FHIT: variants seen among roughly 807,000 people sequenced by gnomAD.
FHIT encodes the protein fragile histidine triad diadenosine triphosphatase.
A neutral mutation model predicts 17.9 loss-of-function variants in FHIT; 19 were observed. The ratio of observed to expected loss-of-function variants is 1.06; its 90% CI spans 0.74 to 1.56. FHIT has a LOEUF of 1.56. FHIT is among the 40% of genes most tolerant of loss of function. FHIT has a pLI of 0.00. For missense variants in FHIT, 248 were observed against 189.2 expected, an observed-to-expected ratio of 1.31 and a Z score of -1.82; for synonymous variants, 81 against 69.7, an observed-to-expected ratio of 1.16 and a Z score of -0.81.
At chr3:60,024,602 A>C (rs212027) in intron 5 of FHIT, among the ~76,000 whole-genome samples, 61,047 of 152,084 alleles carry the variant, frequency 0.4, 15,430 homozygotes, top group Non-Finnish European at 0.57. Flanking sequence ...TCTCCCTTCC[A>C]AAGATGTGAA....
chr3:59,982,530 G>GC (rs1449207981), intron 7 of FHIT, among the ~76,000 whole-genome samples: 2 of 152,136 alleles, frequency 1.3e-5, no homozygotes, highest in African/African-American at 2.4e-5. Context: ...TGGCCTTCCA[G>GC]CTAAGATCAA....
intron 4 of FHIT, among the ~76,000 whole-genome samples, chr3:60,662,509 CT>C (rs2040281978): frequency 6.6e-6 from 1 of 151,912 alleles, no homozygotes; most frequent in South Asian, 2.1e-4. Context: ...CTTAGTCTTG[CT>C]TTGGCTTTGT....
chr3:60,609,928 T>A (rs2038734142), intron 4 of FHIT, among the ~76,000 whole-genome samples: 1 of 152,232 alleles, frequency 6.6e-6, no homozygotes, highest in Non-Finnish European at 1.5e-5. Flanking sequence ...TTAGACTGAT[T>A]GAATACATTG....
chr3:60,471,752 G>A (rs138137674), intron 5 of FHIT, among the ~76,000 whole-genome samples: 27 of 152,094 alleles, frequency 1.8e-4, no homozygotes, highest in African/African-American at 5.1e-4. Context: ...TGTTTCTGCC[G>A]GGGAACAACC....
chr3:60,695,631 A>T (rs1045416172), intron 4 of FHIT, among the ~76,000 whole-genome samples: 2 of 152,134 alleles, frequency 1.3e-5, no homozygotes, highest in Non-Finnish European at 2.9e-5. Context: ...ATTCATGTAA[A>T]GCTTGTAGCA....
intron 5 of FHIT, among the ~76,000 whole-genome samples, chr3:60,447,454 A>G (rs923818701): frequency 4.6e-5 from 7 of 152,188 alleles, no homozygotes; most frequent in Admixed American, 2.6e-4. Flanking sequence ...CACATATTCT[A>G]TTCCAAACAA....
chr3:59,987,092 T>G (rs529521573), intron 7 of FHIT, among the ~76,000 whole-genome samples: 2 of 136,054 alleles, frequency 1.5e-5, no homozygotes, highest in African/African-American at 5.2e-5. Flanking sequence ...TATATAGATA[T>G]GAAGATATAA....
chr3:60,135,776 G>A (rs1158966678), intron 5 of FHIT, among the ~76,000 whole-genome samples: 1 of 152,078 alleles, frequency 6.6e-6, no homozygotes, highest in Admixed American at 6.6e-5. Context: ...TCAAAATGCT[G>A]ATCTTCTCAC....
At chr3:61,237,665 T>C (rs891980430) in intron 1 of FHIT, among the ~76,000 whole-genome samples, 1 of 152,224 alleles carries the variant, frequency 6.6e-6, no homozygotes, top group African/African-American at 2.4e-5. Context: ...TCATACGTAT[T>C]GAGTGCTGAG....
At chr3:60,165,196 C>G (rs766555655) in intron 5 of FHIT, among the ~76,000 whole-genome samples, 23 of 152,152 alleles carry the variant, frequency 1.5e-4, no homozygotes, top group Non-Finnish European at 3.1e-4. Context: ...AGGGAAGCTG[C>G]TGATGCTACT....
chr3:60,389,527 T>C (rs1045615449), intron 5 of FHIT, among the ~76,000 whole-genome samples: 6 of 152,138 alleles, frequency 3.9e-5, no homozygotes, highest in African/African-American at 1.2e-4. Flanking sequence ...AGTGTCTGGC[T>C]TGGAAGATTT....
At chr3:60,328,166 TG>T (rs1366261875) in intron 5 of FHIT, among the ~76,000 whole-genome samples, 4 of 366 alleles carry the variant, frequency 0.011, 1 homozygote. Context: ...TGTAGTCTAT[TG>T]GAAAAGTTGG....
At chr3:60,987,034 A>C (rs1360021331) in intron 3 of FHIT, among the ~76,000 whole-genome samples, 1 of 152,192 alleles carries the variant, frequency 6.6e-6, no homozygotes, top group African/African-American at 2.4e-5. Context: ...ACCTCATATT[A>C]CATTTGCAGT....
chr3:60,166,869 A>G (rs1005021474), intron 5 of FHIT, among the ~76,000 whole-genome samples: 4 of 152,198 alleles, frequency 2.6e-5, no homozygotes, highest in Non-Finnish European at 4.4e-5. Context: ...GAATAGGAAG[A>G]GCAAGCAGCA....
At chr3:60,173,916 T>C (rs1701540152) in intron 5 of FHIT, among the ~76,000 whole-genome samples, 1 of 68,058 alleles carries the variant, frequency 1.5e-5, no homozygotes, top group Admixed American at 2.0e-4. Flanking sequence ...TATATATATA[T>C]GTTTTTTTTT....
chr3:60,577,684 T>C (rs1417921216), intron 4 of FHIT, among the ~76,000 whole-genome samples: 1 of 152,232 alleles, frequency 6.6e-6, no homozygotes, highest in South Asian at 2.1e-4. Context: ...TTACTGAAAT[T>C]TGGTTGGAAG....
intron 2 of FHIT, among the ~76,000 whole-genome samples, chr3:61,064,197 G>C (rs13074513): frequency 0.55 from 83,158 of 151,650 alleles, 23,895 homozygotes; most frequent in Non-Finnish European, 0.65. Context: ...TCTGCTAAGA[G>C]ACTTTAAGGA....
Position 59,768,212 on chromosome 3 carries a change from G to A in FHIT, c.349-15891C>T, listed in dbSNP as rs532004772. 1.1e-4 allele frequency among the ~76,000 whole-genome samples: 16 copies of A among 152,266 alleles called. No individual in the cohort carries two copies. The South Asian group carries it at 3.3e-3, about 32-fold the overall frequency. ...TCTTATTTAAAAAGCAGAAATTCTA[G>A]GTAATGGTCCAGTGCAATTTCGACT... On this transcript the variant is annotated intron_variant, in intron 8 of 9. Coordinates refer to ENST00000492590, the MANE Select transcript of FHIT (RefSeq NM_002012.4).
chr3:60,919,188 G>A (rs927670889), intron 3 of FHIT, among the ~76,000 whole-genome samples: 2 of 152,162 alleles, frequency 1.3e-5, no homozygotes, highest in Admixed American at 6.5e-5. Context: ...CTGTAGGACT[G>A]TGGTTTCCCA....
Sources: gnomAD v4.1 joint callset for allele counts (sites outside exome capture counted in the v4.1 genomes callset) on GRCh38, gnomAD v4.1.1 for gene constraint, MANE v1.5 for transcripts, NCBI Gene and HGNC (gene_info 2026-07-23, HGNC 2026-07-21) for gene names.